WWC1: variants seen among roughly 807,000 people sequenced by gnomAD.
WWC1 encodes WW and C2 domain containing 1, also known as protein KIBRA.
Under a neutral mutation model 138.4 loss-of-function variants are expected in WWC1, and 55 were observed. That is an observed-to-expected ratio of 0.40 (90% confidence interval 0.32 to 0.50). The LOEUF (loss-of-function observed/expected upper bound fraction) is 0.50. Ranked by LOEUF, WWC1 falls within the 20% of genes least tolerant of loss-of-function variation. The pLI, the probability that WWC1 is intolerant of heterozygous loss-of-function variation, is 0.72. For synonymous variants in WWC1, 524 were observed against 564.9 expected, an observed-to-expected ratio of 0.93 and a Z score of 1.03; for missense variants, 1,226 against 1,420.4, an observed-to-expected ratio of 0.86 and a Z score of 2.20.
rs13359254 is a variant in WWC1, at chr5:168,308,495, C to T, written c.119+16224C>T. Among the ~76,000 whole-genome samples, 600 of 152,228 alleles carry T rather than the reference C, an allele frequency of 3.9e-3. 3 individuals are homozygous for T. Among genetic ancestry groups the T allele is most frequent in the African/African-American group, 0.014 (571 of 41,536 alleles). On this transcript the variant is annotated intron_variant, in intron 1 of 22. Coordinates refer to ENST00000265293, the MANE Select transcript of WWC1 (RefSeq NM_015238.3). ...TTCAACTGGAGTTTTCATCATTTTG[C>T]GCAGGAGTTCATGGCACTTTATTGG...
intron 9 of WWC1, among the ~76,000 whole-genome samples, chr5:168,420,596 C>T (rs1442279300): frequency 3.9e-5 from 6 of 152,216 alleles, no homozygotes; most frequent in African/African-American, 1.4e-4. Flanking sequence ...TAGAGCAGCC[C>T]ACCTGTTCAG....
intron 14 of WWC1, 56 bp downstream of exon 14, chr5:168,430,279 T>TG: frequency 6.8e-7 from 1 of 1,467,156 alleles, no homozygotes; most frequent in Non-Finnish European, 9.4e-7. Context: ...GAGTTACCCC[T>TG]GGGGGTCACT....
intron 4 of WWC1, among the ~76,000 whole-genome samples, chr5:168,398,219 T>G (rs1348382795): frequency 1.3e-5 from 2 of 152,174 alleles, no homozygotes; most frequent in Non-Finnish European, 1.5e-5. Flanking sequence ...TTCTCCTGCC[T>G]CAGCCTCCCA....
chr5:168,460,566 G>A, intron 19 of WWC1, 84 bp from the exon 20 acceptor site: 4 of 1,349,668 alleles, frequency 3.0e-6, no homozygotes, highest in Non-Finnish European at 4.2e-6. Flanking sequence ...CCGAGTGGAG[G>A]AACCTGACCT....
At chr5:168,360,294 G>C (rs1179181669) in intron 1 of WWC1, among the ~76,000 whole-genome samples, 1 of 152,174 alleles carries the variant, frequency 6.6e-6, no homozygotes, top group African/African-American at 2.4e-5. Flanking sequence ...TGGTGAAATA[G>C]GGTCTATGTA....
Position 168,464,824 on chromosome 5 carries a change from A to G in WWC1, c.3012A>G (p.Gln1004=), listed in dbSNP as rs376017719. ...DLQATRTWHS[Q]LTQEISVLKE... is the part of the protein sequence containing the mutation. The stretch of plus-strand genomic sequence containing the variant: ...AGGCGACAAGAACCTGGCACAGCCA[A>G]TTGACCCAGGAGATCTCGGTGCTGA... Residue 1004 remains glutamine, a synonymous_variant, in exon 21 of 23, where the codon CAA becomes CAG. Coordinates refer to ENST00000265293, the MANE Select transcript of WWC1 (RefSeq NM_015238.3). 1.2e-6 allele frequency: 2 copies of G among 1,614,058 alleles called. No homozygotes were observed. The highest frequency in any genetic ancestry group is 3.3e-5 in the Admixed American group (2 of 60,010).
intron 8 of WWC1, chr5:168,412,012 A>G (rs1294770033): frequency 5.3e-5 from 52 of 985,332 alleles, no homozygotes; most frequent in Non-Finnish European, 6.3e-5. Context: ...CAGCTCCCCC[A>G]GGCGTCCAGC....
chr5:168,434,411 G>A (rs1782190807), intron 15 of WWC1, among the ~76,000 whole-genome samples: 1 of 152,204 alleles, frequency 6.6e-6, no homozygotes, highest in Admixed American at 6.5e-5. Flanking sequence ...ACAGCAGGAT[G>A]TGTGGAATCC....
chr5:168,309,686 C>T (rs1770889931), intron 1 of WWC1, among the ~76,000 whole-genome samples: 1 of 152,128 alleles, frequency 6.6e-6, no homozygotes, highest in African/African-American at 2.4e-5. Flanking sequence ...ATAGAGACCT[C>T]TCCCTCTGTC....
At chr5:168,349,891 A>G (rs797007787) in intron 1 of WWC1, among the ~76,000 whole-genome samples, 13 of 152,210 alleles carry the variant, frequency 8.5e-5, no homozygotes, top group African/African-American at 2.9e-4. Flanking sequence ...TCCTCAAAAT[A>G]ACACTCCACC....
At chr5:168,363,667 G>A (rs1188138805) in intron 1 of WWC1, among the ~76,000 whole-genome samples, 2 of 152,146 alleles carry the variant, frequency 1.3e-5, no homozygotes, top group South Asian at 2.1e-4. Flanking sequence ...TGAAAATCGG[G>A]GTATAAAACC....
chr5:168,314,584 A>AT (rs1206976282), intron 1 of WWC1, among the ~76,000 whole-genome samples: 3 of 152,100 alleles, frequency 2.0e-5, no homozygotes, highest in East Asian at 3.9e-4. Context: ...AGAAAAAAAA[A>AT]GGAAAGAAAT....
chr5:168,349,830 C>T (rs530412838), intron 1 of WWC1, among the ~76,000 whole-genome samples: 1 of 152,274 alleles, frequency 6.6e-6, no homozygotes, highest in South Asian at 2.1e-4. Flanking sequence ...GCAGCAGCTC[C>T]ACCAACCCCA....
At position 168,403,871 on chromosome 5, in the gene WWC1, T is replaced by TACACACACACACAC. The variant is rs57788100; in HGVS notation, c.591-2300_591-2287dup. 2.3e-3 allele frequency among the ~76,000 whole-genome samples: 303 copies of TACACACACACACAC among 134,418 alleles called. 3 individuals carry two copies. The highest frequency in any genetic ancestry group is 0.016 in the Middle Eastern group (4 of 258). The allele number at this position is 134,418 out of a possible 152,430, so 88.2% of individuals were successfully genotyped here. Reference sequence around the variant, plus strand: ...ATTTGGAAATCCTAAAACACATGCATACACACACACACACACACACACACA... The same window carrying TACACACACACACAC: ...ATTTGGAAATCCTAAAACACATGCATACACACACACACACACACACACACACACACACACACACA... On this transcript the variant is annotated intron_variant, in intron 5 of 22. Coordinates refer to ENST00000265293, the MANE Select transcript of WWC1 (RefSeq NM_015238.3).
intron 3 of WWC1, among the ~76,000 whole-genome samples, chr5:168,393,882 G>A (rs1778690996): frequency 6.6e-6 from 1 of 152,150 alleles, no homozygotes; most frequent in South Asian, 2.1e-4. Context: ...TTGAATTAGT[G>A]GTAAGTTTGT....
chr5:168,403,153 A>G (rs866678399), intron 5 of WWC1, among the ~76,000 whole-genome samples: 1 of 148,974 alleles, frequency 6.7e-6, no homozygotes, highest in African/African-American at 2.5e-5. Context: ...GCTGGAGTGC[A>G]GTGGCGCAAT....
chr5:168,303,565 C>A (rs767577056), intron 1 of WWC1, among the ~76,000 whole-genome samples: 1 of 152,148 alleles, frequency 6.6e-6, no homozygotes. Context: ...GCCATGTTTA[C>A]ATCATTGCAG....
intron 11 of WWC1, among the ~76,000 whole-genome samples, chr5:168,427,548 A>ATTT (rs34177139): frequency 1.4e-3 from 137 of 100,818 alleles, no homozygotes; most frequent in East Asian, 3.1e-3. Context: ...CTTTTTTTTA[A>ATTT]TTTTTTTTTT....
In WWC1 at chr5:168,351,108, C is replaced by T. The variant is rs146941505; in HGVS notation, c.120-20316C>T. Among the ~76,000 whole-genome samples the T allele has an allele frequency of 8.6e-3, 1,285 of 150,078 alleles. 13 individuals are homozygous for T. Among genetic ancestry groups the T allele is most frequent in the Non-Finnish European group, 0.015 (1,034 of 67,796 alleles). ...GTTGCAGTGAGCCGAGATCACGCCA[C>T]GGCACTGGAGCCTGGGCAACAGTGA... On this transcript the variant is annotated intron_variant, in intron 1 of 22. Transcript: ENST00000265293.
Sources: allele counts gnomAD v4.1 joint callset (sites outside exome capture counted in the v4.1 genomes callset), GRCh38; gene constraint gnomAD v4.1.1; transcripts MANE v1.5; gene names NCBI Gene and HGNC (gene_info 2026-07-23, HGNC 2026-07-21).